Variants in SLC38A4 observed in about 807,000 individuals in gnomAD.
SLC38A4 encodes the protein sodium-coupled neutral amino acid transporter 4.
In SLC38A4, 20 loss-of-function variants were observed where a neutral mutation model predicts 63.1. That is an observed-to-expected ratio of 0.32 (90% confidence interval 0.22 to 0.46). The LOEUF is 0.46. SLC38A4 is among the 20% of genes least tolerant of loss of function. SLC38A4 has a pLI of 1.00. For synonymous variants in SLC38A4, 230 were observed against 225.5 expected, an observed-to-expected ratio of 1.02 and a Z score of -0.18; for missense variants, 526 against 663.6, an observed-to-expected ratio of 0.79 and a Z score of 2.28.
chr12:46,780,309 T>A (rs1486097702), intron 7 of SLC38A4, among the ~76,000 whole-genome samples: 2 of 152,114 alleles, frequency 1.3e-5, no homozygotes, highest in Non-Finnish European at 2.9e-5. Context: ...TCTGCCCTCA[T>A]TAGTTATAAA....
chr12:46,829,231 T>G (rs1939698633), upstream of SLC38A4, among the ~76,000 whole-genome samples: 3 of 152,184 alleles, frequency 2.0e-5, no homozygotes, highest in Admixed American at 2.0e-4. Context: ...TAAAGCACCT[T>G]TCCTTTCACT....
chr12:46,775,005 ATGG>A, intron 14 of SLC38A4, 41 bp downstream of exon 14: 2 of 1,601,076 alleles, frequency 1.2e-6, no homozygotes, highest in Non-Finnish European at 1.7e-6. Context: ...GTACTAATTT[ATGG>A]GGTCAAGTAG....
At chr12:46,787,413 A>G (rs1459962300) in intron 5 of SLC38A4, among the ~76,000 whole-genome samples, 1 of 152,128 alleles carries the variant, frequency 6.6e-6, no homozygotes, top group Non-Finnish European at 1.5e-5. Context: ...GAACTGACAT[A>G]TGAGGAGTTA....
chr12:46,787,553 C>A (rs1422297662), intron 5 of SLC38A4, among the ~76,000 whole-genome samples: 1 of 152,026 alleles, frequency 6.6e-6, no homozygotes, highest in Admixed American at 6.6e-5. Context: ...CACAGGGGTA[C>A]AGGGAATGGG....
chr12:46,777,107 C>G (rs1014046940), intron 12 of SLC38A4, 103 bp from the exon 13 acceptor site: 9 of 859,074 alleles, frequency 1.0e-5, no homozygotes, highest in African/African-American at 5.2e-5. Flanking sequence ...TATTGCTCAT[C>G]ATGAAGACAT....
chr12:46,766,049 G>C lies in SLC38A4; in HGVS notation c.*652C>G, dbSNP rs912583151. ...TTTAGTGTTTTAACATTTAAATATA[G>C]ATGTTTTAACATTTACAAAAATCTA... On this transcript the variant is annotated 3_prime_UTR_variant, in exon 17 of 17. Transcript: ENST00000266579. The C allele has an allele frequency of 1.2e-5, 2 of 170,754 alleles. No individual in the cohort carries two copies. Among genetic ancestry groups the C allele is most frequent in the Admixed American group, 1.2e-4 (2 of 17,376 alleles). The allele number at this position is 170,754 out of a possible 1,614,324, so 10.6% of individuals were successfully genotyped here.
intron 5 of SLC38A4, among the ~76,000 whole-genome samples, chr12:46,786,917 G>A (rs191817919): frequency 7.2e-5 from 11 of 152,284 alleles, no homozygotes; most frequent in Non-Finnish European, 1.0e-4. Context: ...ACTCTCTAGC[G>A]TTGCATTTGG....
intron 5 of SLC38A4, 35 bp from the exon 6 acceptor site, chr12:46,785,212 C>T (rs780963863): frequency 1.4e-6 from 2 of 1,473,286 alleles, no homozygotes; most frequent in African/African-American, 2.8e-5. Context: ...AATAAAGTTT[C>T]TACAATAAAT....
chr12:46,820,754 C>T (rs1014531191), intron 1 of SLC38A4, among the ~76,000 whole-genome samples: 1 of 152,022 alleles, frequency 6.6e-6, no homozygotes, highest in African/African-American at 2.4e-5. Context: ...AACCTCCATA[C>T]TGTTTTCCAT....
chr12:46,778,498 T>A lies in SLC38A4; in HGVS notation c.993+3A>T, dbSNP rs1478850536. ...TCATTAGAAGCCCGGACCGCTCACT[T>A]ACCCGGGAGTTGAATACAAAGTATT... On this transcript the variant is annotated splice_donor_region_variant and intron_variant, in intron 11 of 16. Coordinates refer to ENST00000266579, the MANE Select transcript of SLC38A4 (RefSeq NM_018018.5). 1.2e-6 allele frequency: 2 copies of A among 1,610,434 alleles called. No individual in the cohort carries two copies. Among genetic ancestry groups the A allele is most frequent in the South Asian group, 2.2e-5 (2 of 91,010 alleles).
At chr12:46,799,801 T>G (rs535787045) in intron 2 of SLC38A4, among the ~76,000 whole-genome samples, 1 of 152,274 alleles carries the variant, frequency 6.6e-6, no homozygotes, top group East Asian at 1.9e-4. Context: ...GTATATACCT[T>G]GAAGCCTTTA....
intron 1 of SLC38A4, among the ~76,000 whole-genome samples, chr12:46,816,336 A>G (rs944509073): frequency 1.3e-5 from 2 of 151,864 alleles, no homozygotes; most frequent in African/African-American, 4.8e-5. Context: ...AAAACACAAA[A>G]CCATACATGT....
At chr12:46,808,273 C>G (rs1416585436) in intron 1 of SLC38A4, among the ~76,000 whole-genome samples, 1 of 151,910 alleles carries the variant, frequency 6.6e-6, no homozygotes, top group Non-Finnish European at 1.5e-5. Flanking sequence ...AGAAACCCCA[C>G]CAAGTGAAAT....
At chr12:46,798,810 C>A (rs1047618428) in intron 2 of SLC38A4, among the ~76,000 whole-genome samples, 4 of 151,908 alleles carry the variant, frequency 2.6e-5, no homozygotes, top group African/African-American at 9.7e-5. Flanking sequence ...TTTTCTTATT[C>A]CCATTGTACA....
At chr12:46,831,144 A>G (rs1939725980) in intron 1 of SLC38A4, among the ~76,000 whole-genome samples, 1 of 152,106 alleles carries the variant, frequency 6.6e-6, no homozygotes, top group Non-Finnish European at 1.5e-5. Context: ...GTTTTCCCCC[A>G]CAACCGGCAC....
chr12:46,783,020 A>ATG (rs71437771), intron 7 of SLC38A4, among the ~76,000 whole-genome samples: 8,973 of 103,630 alleles, frequency 0.087, 380 homozygotes, highest in East Asian at 0.1. Flanking sequence ...GAGAGAGAAA[A>ATG]TGTGTGTGTG....
intron 2 of SLC38A4, among the ~76,000 whole-genome samples, chr12:46,800,908 CTGAT>C (rs1939119066): frequency 2.0e-5 from 3 of 152,120 alleles, no homozygotes; most frequent in Admixed American, 1.3e-4. Context: ...ATTCTCTCCT[CTGAT>C]TGTCAGGAGA....
chr12:46,825,618 T>C (rs551105246), intron 1 of SLC38A4, among the ~76,000 whole-genome samples: 126 of 152,274 alleles, frequency 8.3e-4, no homozygotes, highest in Middle Eastern at 3.4e-3. Context: ...TAGAGGTCAG[T>C]TTGGTCATAC....
At chr12:46,788,958 G>C (rs1053996350) in intron 3 of SLC38A4, among the ~76,000 whole-genome samples, 6 of 152,128 alleles carry the variant, frequency 3.9e-5, no homozygotes, top group Non-Finnish European at 7.4e-5. Flanking sequence ...AAAGAGTACA[G>C]GGTTATGACA....
Sources: gnomAD v4.1 joint callset for allele counts (sites outside exome capture counted in the v4.1 genomes callset) on GRCh38, gnomAD v4.1.1 for gene constraint, MANE v1.5 for transcripts, NCBI Gene and HGNC (gene_info 2026-07-23, HGNC 2026-07-21) for gene names.